Variants in MSRA observed in about 807,000 individuals in gnomAD.
MSRA encodes mitochondrial peptide methionine sulfoxide reductase.
In MSRA, 54 loss-of-function variants were observed where a neutral mutation model predicts 31.3. That is an observed-to-expected ratio of 1.73 (90% CI 1.39 to 2.17). The LOEUF (loss-of-function observed/expected upper bound fraction) is 2.17. Among genes scored for constraint, MSRA ranks in the 30% most tolerant of loss-of-function variants. MSRA has a pLI of 0.00. For synonymous variants in MSRA, 169 were observed against 116.5 expected (o/e 1.45, Z -2.90); for missense variants, 507 against 300.9 (o/e 1.69, Z -5.07).
intron 3 of MSRA, among the ~76,000 whole-genome samples, chr8:10,260,288 A>T (rs1585300530): frequency 6.6e-6 from 1 of 152,182 alleles, no homozygotes; most frequent in Non-Finnish European, 1.5e-5. Context: ...GAGCTGTTTA[A>T]TACCACCACG....
At chr8:10,107,215 T>A (rs1356675058) in intron 1 of MSRA, among the ~76,000 whole-genome samples, 1 of 150,974 alleles carries the variant, frequency 6.6e-6, no homozygotes, top group Non-Finnish European at 1.5e-5. Context: ...GAATCAAAAT[T>A]CACATTTTTT....
chr8:10,248,799 G>A (rs947412126), intron 3 of MSRA, among the ~76,000 whole-genome samples: 1 of 152,230 alleles, frequency 6.6e-6, no homozygotes, highest in Non-Finnish European at 1.5e-5. Context: ...AGTCTCCATT[G>A]CTTGGTGCCA....
intron 1 of MSRA, among the ~76,000 whole-genome samples, chr8:10,069,336 C>T (rs1305365785): frequency 6.6e-6 from 1 of 152,138 alleles, no homozygotes; most frequent in Non-Finnish European, 1.5e-5. Context: ...TGCATTGTTC[C>T]AGAACTTAGT....
At chr8:10,177,378 C>G (rs1252465920) in intron 1 of MSRA, among the ~76,000 whole-genome samples, 1 of 152,198 alleles carries the variant, frequency 6.6e-6, no homozygotes, top group East Asian at 1.9e-4. Context: ...TTATTTGAAT[C>G]AAGATGCTTA....
At chr8:10,369,734 T>C (rs533054888) in intron 5 of MSRA, among the ~76,000 whole-genome samples, 12 of 152,340 alleles carry the variant, frequency 7.9e-5, no homozygotes, top group South Asian at 2.1e-4. Context: ...GCATCATTGA[T>C]AGCATAAGAA....
chr8:10,148,800 G>GC (rs1803389285), intron 1 of MSRA, among the ~76,000 whole-genome samples: 2 of 86,858 alleles, frequency 2.3e-5, no homozygotes, highest in African/African-American at 9.3e-5. Context: ...AGACCCTGTC[G>GC]CAAAAAAAAA....
chr8:10,078,092 A>G (rs1435888973), intron 1 of MSRA, among the ~76,000 whole-genome samples: 1 of 152,372 alleles, frequency 6.6e-6, no homozygotes, highest in East Asian at 1.9e-4. Context: ...GAACTGCCCT[A>G]AAGCCAAATT....
chr8:10,091,241 A>C (rs1798839194), intron 1 of MSRA, among the ~76,000 whole-genome samples: 1 of 152,214 alleles, frequency 6.6e-6, no homozygotes, highest in Non-Finnish European at 1.5e-5. Context: ...GTAGTGCTTT[A>C]AATTTTTACT....
intron 1 of MSRA, among the ~76,000 whole-genome samples, chr8:10,093,773 G>A (rs1040834957): frequency 6.6e-6 from 1 of 152,114 alleles, no homozygotes; most frequent in Admixed American, 6.6e-5. Context: ...CAGCTTGGTG[G>A]AAAAGTTCCT....
chr8:10,151,871 A>C (rs772406952), intron 1 of MSRA, among the ~76,000 whole-genome samples: 1 of 152,232 alleles, frequency 6.6e-6, no homozygotes, highest in Non-Finnish European at 1.5e-5. Flanking sequence ...GGCCAAGGTC[A>C]TTTAAAAGGT....
chr8:10,232,350 G>C (rs1381713706), intron 2 of MSRA, among the ~76,000 whole-genome samples: 1 of 152,224 alleles, frequency 6.6e-6, no homozygotes, highest in African/African-American at 2.4e-5. Flanking sequence ...AGTAGGCAGA[G>C]GTGGAGAGTG....
chr8:10,417,101 C>T (rs997887357), intron 5 of MSRA, among the ~76,000 whole-genome samples: 1 of 152,168 alleles, frequency 6.6e-6, no homozygotes, highest in Non-Finnish European at 1.5e-5. Flanking sequence ...CAGCTAGAGG[C>T]CGTGCATTTG....
intron 1 of MSRA, among the ~76,000 whole-genome samples, chr8:10,120,647 G>A (rs994786727): frequency 6.6e-6 from 1 of 152,334 alleles, no homozygotes; most frequent in Admixed American, 6.5e-5. Context: ...AGATGAGAAG[G>A]CATGGAGTTA....
intron 1 of MSRA, among the ~76,000 whole-genome samples, chr8:10,150,760 C>T (rs79048665): frequency 0.024 from 3,665 of 152,246 alleles, 135 homozygotes; most frequent in African/African-American, 0.082. Flanking sequence ...GTGTGACAAG[C>T]GCGCAGGATT....
chr8:10,344,793 G>GTTCACTC (rs796682150), intron 5 of MSRA, among the ~76,000 whole-genome samples: 13 of 152,126 alleles, frequency 8.5e-5, no homozygotes, highest in African/African-American at 2.9e-4. Flanking sequence ...AAGACCTCAG[G>GTTCACTC]TTCACTCTTG....
intron 4 of MSRA, among the ~76,000 whole-genome samples, chr8:10,304,790 A>C (rs1187783393): frequency 6.6e-6 from 1 of 152,220 alleles, no homozygotes; most frequent in Non-Finnish European, 1.5e-5. Context: ...GATATGTAAG[A>C]CTGACTGTTC....
chr8:10,103,489 C>A (rs1033001077), intron 1 of MSRA, among the ~76,000 whole-genome samples: 1 of 152,080 alleles, frequency 6.6e-6, no homozygotes, highest in South Asian at 2.1e-4. Context: ...TTGACTTTTC[C>A]TATAAGTGAA....
chr8:10,259,809 C>G (rs1472811115), intron 3 of MSRA, among the ~76,000 whole-genome samples: 1 of 152,196 alleles, frequency 6.6e-6, no homozygotes, highest in Non-Finnish European at 1.5e-5. Flanking sequence ...CTTTTGTAGG[C>G]TGGGGCTGCT....
chr8:10,294,169 C>A (rs1422013568), intron 3 of MSRA, among the ~76,000 whole-genome samples: 1 of 152,088 alleles, frequency 6.6e-6, no homozygotes, highest in Non-Finnish European at 1.5e-5. Context: ...CCACTGCACT[C>A]CAGCCTGGGC....
Sources: gnomAD v4.1 joint callset for allele counts (sites outside exome capture counted in the v4.1 genomes callset) on GRCh38, gnomAD v4.1.1 for gene constraint, MANE v1.5 for transcripts, NCBI Gene and HGNC (gene_info 2026-07-23, HGNC 2026-07-21) for gene names.